The following NUAK2 variants were observed in gnomAD, a reference collection of about 807,000 sequenced individuals.
NUAK2 encodes the protein NUAK family SNF1-like kinase 2.
NUAK2 carries 20 observed loss-of-function variants against 29.8 expected under a neutral mutation model. That is an observed-to-expected ratio of 0.67 (90% confidence interval 0.47 to 0.98). The LOEUF is 0.98. NUAK2 is among the 50% of genes least tolerant of loss of function. The pLI, the probability that NUAK2 is intolerant of heterozygous loss-of-function variation, is 0.00. For missense variants in NUAK2, 719 were observed against 834.5 expected (o/e 0.86, Z 1.71); for synonymous variants, 331 against 342.6 (o/e 0.97, Z 0.37).
At chr1:205,318,739 A>T (rs1346989383) in intron 1 of NUAK2, among the ~76,000 whole-genome samples, 1 of 152,186 alleles carries the variant, frequency 6.6e-6, no homozygotes, top group Non-Finnish European at 1.5e-5. Context: ...GAGCTGGGTG[A>T]GTCCCAGGAG....
At position 205,308,741 on chromosome 1, in the gene NUAK2, A is replaced by G; in HGVS notation, c.353-9T>C. ...GCTGCTGTTCTCAAACACTGGGCAG[A>G]GCAAGGCAAGGAACGTCAGGCCCTC... On this transcript the variant is annotated splice_polypyrimidine_tract_variant and intron_variant, in intron 2 of 6. Transcript: ENST00000367157. The surrounding 1 kb of genome is among the most constrained non-coding windows in gnomAD (Gnocchi z 4.1). The G allele has an allele frequency of 1.2e-6, 2 of 1,613,040 alleles. No homozygotes were observed. Among genetic ancestry groups the G allele is most frequent in the Non-Finnish European group, 1.7e-6 (2 of 1,179,306 alleles).
chr1:205,321,013 G>T (rs1433536246), intron 1 of NUAK2, among the ~76,000 whole-genome samples: 1 of 152,078 alleles, frequency 6.6e-6, no homozygotes, highest in East Asian at 1.9e-4. Flanking sequence ...TTAAGATGGG[G>T]TGCCTTCTAC....
intron 6 of NUAK2, 141 bp downstream of exon 6, chr1:205,305,058 A>G: frequency 2.0e-6 from 2 of 1,013,286 alleles, no homozygotes. Flanking sequence ...CATTGGACAT[A>G]CGGTGGAGGG....
intron 1 of NUAK2, among the ~76,000 whole-genome samples, chr1:205,320,092 A>C (rs143372979): frequency 7.2e-5 from 11 of 152,208 alleles, no homozygotes; most frequent in African/African-American, 2.4e-4. Context: ...GTGGAACCAG[A>C]GAATGTAAGT....
At position 205,303,556 on chromosome 1, in the gene NUAK2, C is replaced by T. The variant is rs1257682991; in HGVS notation, c.1781G>A (p.Arg594His). 20 of 1,613,650 alleles carry T rather than the reference C, an allele frequency of 1.2e-5. No homozygotes were observed. The highest frequency in any genetic ancestry group is 4.5e-5 in the East Asian group (2 of 44,868). Reference protein sequence around the residue: ...PSEGPGSCLRRWRQDPLGDSC... With the variant: ...PSEGPGSCLRHWRQDPLGDSC... ...GTCCCCCAAAGGATCCTGCCGCCAG[C>T]GCCTCAGGCAGCTTCCAGGGCCCTC... Residue 594 changes from arginine (R) to histidine (H), a missense_variant, in exon 7 of 7, where the codon CGC (arginine) becomes CAC (histidine). This residue lies in a region of NUAK2 where 430 missense variants were observed against 465.7 expected (regional missense o/e 0.92). Transcript: ENST00000367157.
At chr1:205,309,889 G>C (rs973464702) in intron 2 of NUAK2, among the ~76,000 whole-genome samples, 3 of 152,194 alleles carry the variant, frequency 2.0e-5, no homozygotes, top group African/African-American at 7.2e-5. Context: ...GTTCCTGGCA[G>C]CCACCTCATC....
At chr1:205,309,962 T>C (rs1050958373) in intron 2 of NUAK2, among the ~76,000 whole-genome samples, 2 of 151,964 alleles carry the variant, frequency 1.3e-5, no homozygotes, top group African/African-American at 4.8e-5. Context: ...AGGTAGGGAG[T>C]GGCTGGTTCA....
intron 4 of NUAK2, 104 bp from the exon 5 acceptor site, chr1:205,306,411 A>G (rs934067142): frequency 2.1e-6 from 3 of 1,447,242 alleles, no homozygotes; most frequent in African/African-American, 2.9e-5. Context: ...CCAAGCTCCA[A>G]TAGAAGGAAA....
chr1:205,320,965 CCA>C, intron 1 of NUAK2, among the ~76,000 whole-genome samples: 1 of 152,324 alleles, frequency 6.6e-6, no homozygotes, highest in East Asian at 1.9e-4. Flanking sequence ...CACACCTCAT[CCA>C]TTCATTCAAC....
rs372587634 is a variant in NUAK2 at position 205,313,821 on chromosome 1, G to A, written c.232-1996C>T. ...GGTGGGGGTGGGGTGTCACAGGGCC[G>A]GCCAGTTCCTGGCAAGTGCTGCCCA... On this transcript the variant is annotated intron_variant, in intron 1 of 6. Transcript: ENST00000367157. 7.0e-4 allele frequency among the ~76,000 whole-genome samples: 107 copies of A among 152,312 alleles called. No individual in the cohort carries two copies. In the Middle Eastern group the frequency reaches 0.017, roughly 24 times the overall value.
At chr1:205,316,772 G>A (rs1430938245) in intron 1 of NUAK2, among the ~76,000 whole-genome samples, 4 of 152,172 alleles carry the variant, frequency 2.6e-5, no homozygotes, top group Non-Finnish European at 5.9e-5. Context: ...CTATGGCCAC[G>A]GTAGCCTGCT....
intron 1 of NUAK2, among the ~76,000 whole-genome samples, chr1:205,320,949 G>A (rs1301234127): frequency 6.6e-6 from 1 of 152,150 alleles, no homozygotes; most frequent in East Asian, 1.9e-4. Context: ...TGGAGTTGGG[G>A]AAATCCACAC....
Position 205,303,446 on chromosome 1 carries a change from C to G in NUAK2, c.*4G>C. On this transcript the variant is annotated 3_prime_UTR_variant, in exon 7 of 7. Transcript: ENST00000367157. ...TGACCGGGCTGGGGCAATGCCTACT[C>G]CACTCAGGTGAGCTTTGAGCAGACC... 6.4e-7 allele frequency: 1 copy of G among 1,560,068 alleles called. No homozygotes were observed. Among genetic ancestry groups the G allele is most frequent in the African/African-American group, 1.4e-5 (1 of 73,286 alleles).
chr1:205,308,750 A>G lies in NUAK2; in HGVS notation c.353-18T>C, dbSNP rs1246184792. The stretch of plus-strand genomic sequence containing the variant: ...CTCAAACACTGGGCAGAGCAAGGCA[A>G]GGAACGTCAGGCCCTCCCAGAGTGC... On this transcript the variant is annotated intron_variant, in intron 2 of 6. Coordinates refer to ENST00000367157, the MANE Select transcript of NUAK2 (RefSeq NM_030952.3). This position sits in a 1 kb window ranked among gnomAD's most constrained non-coding sequence, Gnocchi z 4.1. 1 of 1,611,756 alleles carries G rather than the reference A, an allele frequency of 6.2e-7. No homozygotes were observed. The highest frequency in any genetic ancestry group is 8.5e-7 in the Non-Finnish European group (1 of 1,178,560).
Position 205,304,079 on chromosome 1 carries a change from C to T in NUAK2, c.1258G>A (p.Glu420Lys). ...ILKKKVSASA[E>K]GVQEDPPELS... ...TCCGGAGGGTCCTCCTGTACCCCTTCTGCAGAGGCTGACACCTTCTTCTTG... is the reference window on the plus strand; with the variant it reads ...TCCGGAGGGTCCTCCTGTACCCCTTTTGCAGAGGCTGACACCTTCTTCTTG... The change falls in exon 7 of 7, where the codon GAA becomes AAA. Residue 420 changes from glutamate to lysine, a missense_variant. Coordinates refer to ENST00000367157, the MANE Select transcript of NUAK2 (RefSeq NM_030952.3). The surrounding 1 kb of genome is among the most constrained non-coding windows in gnomAD (Gnocchi z 6.5). 1 of 1,614,200 alleles carries T rather than the reference C, an allele frequency of 6.2e-7. No individual in the cohort carries two copies. The highest frequency in any genetic ancestry group is 8.5e-7 in the Non-Finnish European group (1 of 1,180,028).
chr1:205,321,305 G>T, intron 1 of NUAK2, 93 bp downstream of exon 1: 4 of 1,153,960 alleles, frequency 3.5e-6, no homozygotes, highest in South Asian at 1.6e-5. Flanking sequence ...CCTCTCCGCC[G>T]AGCAACGAGC....
In NUAK2 at chr1:205,304,236, G is replaced by A. The variant is rs772963609; in HGVS notation, c.1101C>T (p.Gly367=). Residue 367 remains glycine (G), a synonymous_variant, in exon 7 of 7, where the codon GGC becomes GGT. Coordinates refer to ENST00000367157, the MANE Select transcript of NUAK2 (RefSeq NM_030952.3). This position sits in a 1 kb window ranked among gnomAD's most constrained non-coding sequence, Gnocchi z 6.5. ...TCTTGAGCGAATGCTGGCGCTCCAG[G>A]CCAGGGGTGGTGCTTCCCCCACCAG... ...HAPGGGSTTP[G]LERQHSLKKS... The A allele has an allele frequency of 8.1e-6, 13 of 1,614,162 alleles. 1 individual carries two copies. The highest frequency in any genetic ancestry group is 1.1e-5 in the Non-Finnish European group (13 of 1,180,022).
chr1:205,304,658 A>C lies in NUAK2; in HGVS notation c.824-145T>G. On this transcript the variant is annotated intron_variant, in intron 6 of 6. Transcript: ENST00000367157. This position sits in a 1 kb window ranked among gnomAD's most constrained non-coding sequence, Gnocchi z 6.5. ...TCCCTTCCAACCTAGGGCTCTATACATGCCTTGGCCCAGGACAGCTCCCCA... is the reference window on the plus strand; with the variant it reads ...TCCCTTCCAACCTAGGGCTCTATACCTGCCTTGGCCCAGGACAGCTCCCCA... 1 of 697,104 alleles carries C rather than the reference A, an allele frequency of 1.4e-6. No individual in the cohort carries two copies. The highest frequency in any genetic ancestry group is 2.3e-6 in the Non-Finnish European group (1 of 428,862). 43.2% of individuals were successfully genotyped at this position (697,104 alleles called of 1,614,324 possible). A position where few individuals can be genotyped will look rare whatever the true frequency, so the allele number is the denominator to read the frequency against.
intron 1 of NUAK2, among the ~76,000 whole-genome samples, chr1:205,318,137 C>T (rs572811962): frequency 1.6e-4 from 25 of 152,314 alleles, no homozygotes; most frequent in African/African-American, 6.0e-4. Context: ...GATTTGAATG[C>T]TTGCAACCTT....
Sources: gnomAD v4.1 joint callset for allele counts (sites outside exome capture counted in the v4.1 genomes callset) on GRCh38, gnomAD v4.1.1 for gene constraint, gnomAD v4.1.1 regional missense constraint, Gnocchi (gnomAD v3.1) non-coding constraint, MANE v1.5 for transcripts, NCBI Gene and HGNC (gene_info 2026-07-23, HGNC 2026-07-21) for gene names.